INSYN2B: variants seen among roughly 807,000 people sequenced by gnomAD.
The protein encoded by INSYN2B is inhibitory synaptic factor family member 2B, also known as protein INSYN2B.
In INSYN2B, 16 loss-of-function variants were observed where a neutral mutation model predicts 41.2. The ratio of observed to expected loss-of-function variants is 0.39; its 90% CI spans 0.26 to 0.59. The LOEUF (loss-of-function observed/expected upper bound fraction) is 0.59. Ranked by LOEUF, INSYN2B falls within the 20% of genes least tolerant of loss-of-function variation. The pLI is 0.57. For synonymous variants in INSYN2B, 245 were observed against 244.4 expected (o/e 1.00, Z -0.02); for missense variants, 608 against 646.4 (o/e 0.94, Z 0.64).
At chr5:169,944,464 G>T (rs1167328641) in intron 1 of INSYN2B, among the ~76,000 whole-genome samples, 1 of 152,220 alleles carries the variant, frequency 6.6e-6, no homozygotes, top group African/African-American at 2.4e-5. Context: ...TGCTGAAGGA[G>T]GCAGGAGATT....
intron 1 of INSYN2B, among the ~76,000 whole-genome samples, chr5:169,920,029 G>A (rs997001958): frequency 6.6e-6 from 1 of 152,120 alleles, no homozygotes; most frequent in Non-Finnish European, 1.5e-5. Context: ...AGCACTTTAC[G>A]TGAATTATGT....
chr5:169,966,502 C>T (rs1400770236), intron 1 of INSYN2B, among the ~76,000 whole-genome samples: 1 of 152,144 alleles, frequency 6.6e-6, no homozygotes, highest in Non-Finnish European at 1.5e-5. Flanking sequence ...TATATAAGAT[C>T]CCCATGAAGT....
At chr5:169,922,974 T>C (rs1221467189) in intron 1 of INSYN2B, among the ~76,000 whole-genome samples, 1 of 152,232 alleles carries the variant, frequency 6.6e-6, no homozygotes, top group Non-Finnish European at 1.5e-5. Flanking sequence ...AATATCGAAT[T>C]GTGAATTTCT....
At chr5:169,969,729 CT>C (rs1777432663) in intron 1 of INSYN2B, among the ~76,000 whole-genome samples, 1 of 151,560 alleles carries the variant, frequency 6.6e-6, no homozygotes, top group South Asian at 2.1e-4. Context: ...TCCTGGTTAC[CT>C]AGGACTGAGG....
intron 1 of INSYN2B, among the ~76,000 whole-genome samples, chr5:169,905,291 G>GT (rs1774214655): frequency 1.9e-5 from 1 of 51,646 alleles, no homozygotes; most frequent in Admixed American, 2.0e-4. Context: ...GTTAGAGCCA[G>GT]TGTTTTTTTT....
intron 1 of INSYN2B, among the ~76,000 whole-genome samples, chr5:169,907,930 G>A (rs888889206): frequency 6.6e-6 from 1 of 152,200 alleles, no homozygotes; most frequent in Non-Finnish European, 1.5e-5. Flanking sequence ...AACATCTCTT[G>A]TGCAGGCACT....
intron 1 of INSYN2B, among the ~76,000 whole-genome samples, chr5:169,920,889 A>T (rs73325988): frequency 0.019 from 2,848 of 152,238 alleles, 86 homozygotes; most frequent in African/African-American, 0.065. Flanking sequence ...AGTAGTGGGC[A>T]GTTGTTTTCC....
intron 1 of INSYN2B, among the ~76,000 whole-genome samples, chr5:169,973,198 T>A (rs1777591097): frequency 6.6e-6 from 1 of 152,140 alleles, no homozygotes; most frequent in African/African-American, 2.4e-5. Context: ...GCCTGCCCCC[T>A]CCACTCCCTT....
At chr5:169,880,080 A>C (rs1484274705) in intron 3 of INSYN2B, among the ~76,000 whole-genome samples, 2 of 152,222 alleles carry the variant, frequency 1.3e-5, no homozygotes, top group African/African-American at 4.8e-5. Context: ...ATAAAAAAAG[A>C]AGCAGCAAAA....
chr5:169,925,579 T>TAAA lies in INSYN2B; in HGVS notation c.-918-40766_-918-40764dup, dbSNP rs34833916. ...TGGGCGACAGAGCAAGACTCTGTCT[T>TAAA]AAAAAAAAAAAAAAAAAAAAAAAAA... On this transcript the variant is annotated intron_variant, in intron 1 of 3. Transcript: ENST00000377365. 3.1e-3 allele frequency among the ~76,000 whole-genome samples: 245 copies of TAAA among 80,256 alleles called. 8 individuals are homozygous for TAAA. The highest frequency in any genetic ancestry group is 9.4e-3 in the African/African-American group (182 of 19,456). The allele number at this position is 80,256 out of a possible 152,430, so 52.7% of individuals were successfully genotyped here.
chr5:169,979,347 G>A (rs1241962177), intron 1 of INSYN2B, among the ~76,000 whole-genome samples: 1 of 152,212 alleles, frequency 6.6e-6, no homozygotes, highest in African/African-American at 2.4e-5. Flanking sequence ...GGTGGATATG[G>A]AAGTAAGGTC....
At chr5:169,960,420 T>C (rs930155207) in intron 1 of INSYN2B, among the ~76,000 whole-genome samples, 1 of 152,240 alleles carries the variant, frequency 6.6e-6, no homozygotes, top group Non-Finnish European at 1.5e-5. Context: ...TTAATATGTC[T>C]TGTTTTTCAG....
At chr5:169,977,485 C>T (rs546147008) in intron 1 of INSYN2B, among the ~76,000 whole-genome samples, 2 of 152,182 alleles carry the variant, frequency 1.3e-5, no homozygotes, top group Admixed American at 1.3e-4. Flanking sequence ...ATTAATTGAA[C>T]CCTCACCAAA....
intron 3 of INSYN2B, among the ~76,000 whole-genome samples, chr5:169,865,441 T>G (rs1224690044): frequency 6.6e-6 from 1 of 152,080 alleles, no homozygotes; most frequent in Non-Finnish European, 1.5e-5. Context: ...GCTTCCTCAC[T>G]CTGGTTCACC....
At chr5:169,889,058 T>A (rs1773137953) in intron 1 of INSYN2B, among the ~76,000 whole-genome samples, 1 of 152,204 alleles carries the variant, frequency 6.6e-6, no homozygotes, top group African/African-American at 2.4e-5. Flanking sequence ...CATGTGGTAA[T>A]GGTCTACTCT....
chr5:169,975,849 T>C (rs1453241837), intron 1 of INSYN2B, among the ~76,000 whole-genome samples: 1 of 152,218 alleles, frequency 6.6e-6, no homozygotes, highest in Non-Finnish European at 1.5e-5. Context: ...TAACCTCAGC[T>C]GTATCCCCAG....
At chr5:169,911,193 A>G (rs1227756925) in intron 1 of INSYN2B, among the ~76,000 whole-genome samples, 1 of 152,162 alleles carries the variant, frequency 6.6e-6, no homozygotes, top group Non-Finnish European at 1.5e-5. Flanking sequence ...TTGATTTAAC[A>G]GGTCAGGTAT....
intron 1 of INSYN2B, among the ~76,000 whole-genome samples, chr5:169,970,024 C>T (rs1459899361): frequency 1.3e-5 from 2 of 152,240 alleles, no homozygotes; most frequent in Non-Finnish European, 2.9e-5. Flanking sequence ...CTACAGGCTG[C>T]CTTTTTGAGG....
chr5:169,871,155 A>G (rs1325228697), intron 3 of INSYN2B, among the ~76,000 whole-genome samples: 2 of 152,164 alleles, frequency 1.3e-5, no homozygotes, highest in African/African-American at 4.8e-5. Context: ...TCCAAATATC[A>G]TCACATGGGG....
Sources: allele counts gnomAD v4.1 joint callset (sites outside exome capture counted in the v4.1 genomes callset), GRCh38; gene constraint gnomAD v4.1.1; transcripts MANE v1.5; gene names NCBI Gene and HGNC (gene_info 2026-07-23, HGNC 2026-07-21).